PITRM1: variants seen among roughly 807,000 people sequenced by gnomAD.
The protein encoded by PITRM1 is presequence protease, mitochondrial.
PITRM1 carries 100 observed loss-of-function variants against 129.9 expected under a neutral mutation model. The observed-to-expected ratio is 0.77, with a 90% CI of 0.65 to 0.91. The LOEUF (loss-of-function observed/expected upper bound fraction) is 0.91, where lower values mean the gene tolerates loss of function less well. PITRM1 is among the 40% of genes least tolerant of loss of function. The pLI is 0.00. For missense variants in PITRM1, 1,471 were observed against 1,318.3 expected, an observed-to-expected ratio of 1.12 and a Z score of -1.79; for synonymous variants, 591 against 508.8, an observed-to-expected ratio of 1.16 and a Z score of -2.17.
chr10:3,158,930 A>T lies in PITRM1; in HGVS notation c.1120T>A (p.Phe374Ile). 1 of 1,613,612 alleles carries T rather than the reference A, an allele frequency of 6.2e-7. No homozygotes were observed. Among genetic ancestry groups the T allele is most frequent in the East Asian group, 2.2e-5 (1 of 44,886 alleles). ...TAAACTCACCCAACATCAGGAGAAA[A>T]GTCTGTGCCAAGGCCAGATTCAATC... ...ALIESGLGTD[F>I]SPDVGYNGYT... Residue 374 changes from phenylalanine (F) to isoleucine (I), a missense_variant, in exon 10 of 27, where the codon TTT becomes ATT. Transcript: ENST00000224949.
rs772488908 is a variant in PITRM1 at position 3,138,260 on chromosome 10, C to T, written c.2995G>A (p.Asp999Asn). ...CTATCGCTCACGGCCAGGAGCTTGT[C>T]GTGGCTGACAGCAAAGAGCTGCTCT... Reference protein sequence around the residue: ...HREQLFAVSHDKLLAVSDRYL... With the variant: ...HREQLFAVSHNKLLAVSDRYL... The change falls in exon 26 of 27, where the codon GAC becomes AAC. Residue 999 changes from aspartate to asparagine, a missense_variant. Physicochemically the swap from Asp to Asn is conservative, Grantham distance 23. Coordinates refer to ENST00000224949, the MANE Select transcript of PITRM1 (RefSeq NM_014889.4). 14 of 1,613,548 alleles carry T rather than the reference C, an allele frequency of 8.7e-6. No individual in the cohort carries two copies. The African/African-American group carries it at 1.3e-4, about 15-fold the overall frequency.
At position 3,138,052 on chromosome 10, in the gene PITRM1, G is replaced by C. The variant is rs1009664836; in HGVS notation, c.3093C>G (p.Asp1031Glu). The change falls in exon 27 of 27, where the codon GAC (aspartate) becomes GAG (glutamate). Residue 1031 changes from aspartate to glutamate, a missense_variant. Transcript: ENST00000224949. ...CTGCTCATTGGATGATCCAGGATGG[G>C]TCCTTGGCAATTTTCGGGTTCTCGG... is the stretch of plus-strand genomic sequence containing the variant. ...LGPENPKIAK[D>E]PSWIIQ 3 of 1,607,716 alleles carry C rather than the reference G, an allele frequency of 1.9e-6. No homozygotes were observed. The highest frequency in any genetic ancestry group is 2.2e-5 in the South Asian group (2 of 89,428).
chr10:3,165,842 T>G (rs950319918), intron 4 of PITRM1, among the ~76,000 whole-genome samples: 1 of 152,234 alleles, frequency 6.6e-6, no homozygotes, highest in African/African-American at 2.4e-5. Flanking sequence ...TGTAACAGCA[T>G]GGATTTAACC....
intron 7 of PITRM1, 22 bp from the exon 8 acceptor site, chr10:3,160,352 A>C: frequency 6.3e-7 from 1 of 1,582,204 alleles, no homozygotes; most frequent in Non-Finnish European, 8.7e-7. Context: ...AGGGAATATA[A>C]TTAGTCTGTT....
At chr10:3,167,289 GA>G in intron 2 of PITRM1, among the ~76,000 whole-genome samples, 1 of 144,160 alleles carries the variant, frequency 6.9e-6, no homozygotes, top group East Asian at 2.0e-4. Context: ...GAGAGAGAGC[GA>G]GCGAGCGAGC....
At chr10:3,165,356 C>T (rs766393901) in intron 5 of PITRM1, 22 bp from the exon 6 acceptor site, 2 of 1,596,470 alleles carry the variant, frequency 1.3e-6, no homozygotes, top group Middle Eastern at 1.7e-4. Context: ...TCATTATAAG[C>T]TGATAGTGAC....
At chr10:3,145,813 G>C in intron 20 of PITRM1, 97 bp from the exon 21 acceptor site, 1 of 995,038 alleles carries the variant, frequency 1.0e-6, no homozygotes, top group Non-Finnish European at 1.5e-6. Context: ...TGTTTTTATA[G>C]AAAATACTGT....
At chr10:3,171,965 G>A (rs1843406502) in intron 1 of PITRM1, among the ~76,000 whole-genome samples, 1 of 152,168 alleles carries the variant, frequency 6.6e-6, no homozygotes, top group African/African-American at 2.4e-5. Flanking sequence ...TGTACAGGAA[G>A]AAAAAACCTA....
At position 3,148,203 on chromosome 10, in the gene PITRM1, G is replaced by C. The variant is rs771526485; in HGVS notation, c.1960C>G (p.Pro654Ala). 2 of 1,614,022 alleles carry C rather than the reference G, an allele frequency of 1.2e-6. No homozygotes were observed. Among genetic ancestry groups the C allele is most frequent in the Non-Finnish European group, 1.7e-6 (2 of 1,179,894 alleles). The change falls in exon 17 of 27, where the codon CCC becomes GCC. Residue 654 changes from proline to alanine, a missense_variant. Pro to Ala is a conservative substitution (Grantham distance 27). Transcript: ENST00000224949. Reference sequence around the variant, plus strand: ...TAGGTGTCCATGTGTGAGTCGTCGGGGAGCACGTGGGGAGAAGCACTCATC... The same window carrying C: ...TAGGTGTCCATGTGTGAGTCGTCGGCGAGCACGTGGGGAGAAGCACTCATC... Reference protein sequence around the residue: ...GGMSASPHVLPDDSHMDTYEQ... With the variant: ...GGMSASPHVLADDSHMDTYEQ...
intron 19 of PITRM1, 22 bp from the exon 20 acceptor site, chr10:3,147,272 CAG>C (rs772426536): frequency 1.3e-6 from 2 of 1,501,754 alleles, no homozygotes; most frequent in Admixed American, 1.7e-5. Context: ...GAAACTCGCT[CAG>C]AGAGAGGCAG....
intron 14 of PITRM1, among the ~76,000 whole-genome samples, chr10:3,153,266 G>A (rs962171088): frequency 6.6e-6 from 1 of 152,212 alleles, no homozygotes; most frequent in African/African-American, 2.4e-5. Context: ...TCTGAGGCCA[G>A]GCCACGAATA....
Position 3,158,952 on chromosome 10 carries a change from A to G in PITRM1, c.1098T>C (p.Ile366=). Residue 366 remains isoleucine, a synonymous_variant, in exon 10 of 27, where the codon ATT becomes ATC. Coordinates refer to ENST00000224949, the MANE Select transcript of PITRM1 (RefSeq NM_014889.4). ...GPNSPFYKAL[I]ESGLGTDFSP... is the part of the protein sequence containing the mutation. The stretch of plus-strand genomic sequence containing the variant: ...AAAAGTCTGTGCCAAGGCCAGATTC[A>G]ATCAAGGCTTTGTAAAAGGGAGAAT... 6.2e-7 allele frequency: 1 copy of G among 1,613,856 alleles called. No individual in the cohort carries two copies. The highest frequency in any genetic ancestry group is 1.1e-5 in the South Asian group (1 of 91,076).
At chr10:3,145,781 A>G in intron 20 of PITRM1, 65 bp from the exon 21 acceptor site, 1 of 1,202,222 alleles carries the variant, frequency 8.3e-7, no homozygotes, top group South Asian at 1.3e-5. Context: ...AATTCATCAC[A>G]TTTTGTATAA....
intron 21 of PITRM1, 25 bp downstream of exon 21, chr10:3,145,560 AGGCGCTCACCG>A: frequency 6.5e-7 from 1 of 1,534,868 alleles, no homozygotes; most frequent in Non-Finnish European, 8.8e-7. Context: ...GGCACCCACC[AGGCGCTCACCG>A]GGCGCCAGCA....
At chr10:3,158,244 G>T (rs147125821) in intron 10 of PITRM1, 91 bp from the exon 11 acceptor site, 1 of 737,832 alleles carries the variant, frequency 1.4e-6, no homozygotes, top group Non-Finnish European at 2.3e-6. Flanking sequence ...AGAACGAAGC[G>T]CCTTAAACTC....
chr10:3,149,213 A>C (rs1480715170), intron 16 of PITRM1: 1 of 165,812 alleles, frequency 6.0e-6, no homozygotes, highest in Non-Finnish European at 1.3e-5. Context: ...AGATCTGTGC[A>C]CACCCCACCT....
At chr10:3,165,099 C>T in intron 6 of PITRM1, 139 bp downstream of exon 6, 2 of 713,538 alleles carry the variant, frequency 2.8e-6, no homozygotes, top group Non-Finnish European at 4.6e-6. Flanking sequence ...CTTCTGCTCA[C>T]AGCACTGACC....
Position 3,145,612 on chromosome 10 carries a change from C to T in PITRM1, c.2441G>A (p.Arg814His), listed in dbSNP as rs1484434900. 1.3e-5 allele frequency: 20 copies of T among 1,549,790 alleles called. No individual in the cohort carries two copies. The highest frequency in any genetic ancestry group is 2.0e-5 in the Admixed American group (1 of 50,986). ...AGTGCATACCTCGACCGTGTGTGGG[C>T]GCACAGGCCTCCGTTCCTTTTTACT... Reference protein sequence around the residue: ...GRSKKERRPVRPHTVEKPVPS... With the variant: ...GRSKKERRPVHPHTVEKPVPS... The change falls in exon 21 of 27, where the codon CGC (arginine) becomes CAC (histidine). Residue 814 changes from arginine (R) to histidine (H), a missense_variant. Arg to His is a conservative substitution (Grantham distance 29). Transcript: ENST00000224949.
intron 19 of PITRM1, 43 bp downstream of exon 19, chr10:3,147,529 G>T: frequency 6.3e-7 from 1 of 1,586,466 alleles, no homozygotes. Context: ...TCTGGAATAT[G>T]TGGCTAAACC....
Sources: gnomAD v4.1 joint callset for allele counts (sites outside exome capture counted in the v4.1 genomes callset) on GRCh38, gnomAD v4.1.1 for gene constraint, MANE v1.5 for transcripts, NCBI Gene and HGNC (gene_info 2026-07-23, HGNC 2026-07-21) for gene names.